Variants in SPAG1 observed in about 807,000 individuals in gnomAD.
SPAG1 encodes the protein sperm-associated antigen 1.
Under a neutral mutation model 100.5 loss-of-function variants are expected in SPAG1, and 69 were observed. The observed-to-expected ratio is 0.69, with a 90% CI of 0.57 to 0.84. The LOEUF (loss-of-function observed/expected upper bound fraction) is 0.84, where lower values mean the gene tolerates loss of function less well. SPAG1 is among the 40% of genes least tolerant of loss of function. The pLI is 0.00. For synonymous variants in SPAG1, 336 were observed against 411.6 expected (o/e 0.82, Z 2.22); for missense variants, 955 against 1,133.1 (o/e 0.84, Z 2.26).
intron 15 of SPAG1, 196 bp from the exon 16 acceptor site, chr8:100,233,212 CCTT>C (rs1308316503): frequency 5.3e-5 from 28 of 527,608 alleles, no homozygotes; most frequent in African/African-American, 1.9e-4. Flanking sequence ...ATTGCATCCT[CCTT>C]GAGGGCTGTG....
intron 10 of SPAG1, among the ~76,000 whole-genome samples, chr8:100,203,813 T>A (rs1337873773): frequency 1.3e-5 from 2 of 152,196 alleles, no homozygotes; most frequent in African/African-American, 4.8e-5. Context: ...TCTTATCTCC[T>A]GTAGAGAAAG....
At chr8:100,236,192 A>G (rs2132435277) in intron 16 of SPAG1, among the ~76,000 whole-genome samples, 1 of 152,340 alleles carries the variant, frequency 6.6e-6, no homozygotes. Flanking sequence ...TATGATGCAG[A>G]AAAATAATCC....
intron 16 of SPAG1, 75 bp downstream of exon 16, chr8:100,233,612 CA>C (rs1268216302): frequency 3.5e-6 from 5 of 1,418,888 alleles, no homozygotes; most frequent in Middle Eastern, 1.8e-4. Context: ...CATAAATCTC[CA>C]GATCTTGGGA....
intron 3 of SPAG1, among the ~76,000 whole-genome samples, chr8:100,172,672 G>GTGTGTA (rs1554649794): frequency 2.0e-5 from 3 of 151,356 alleles, no homozygotes; most frequent in Non-Finnish European, 2.9e-5. Context: ...GTGTGTATGT[G>GTGTGTA]TGTGTGTATG....
Position 100,239,955 on chromosome 8 carries a change from C to T in SPAG1, c.2281-448C>T, listed in dbSNP as rs1266100746. On this transcript the variant is annotated intron_variant, in intron 17 of 18. Transcript: ENST00000388798. The surrounding 1 kb of genome is among the most constrained non-coding windows in gnomAD (Gnocchi z 5.0). ...GTGAATCCCTGTACATTCATGAATG[C>T]TAATACCCCATTTATAGTCTCACAT... is the stretch of plus-strand genomic sequence containing the variant. 3.3e-5 allele frequency among the ~76,000 whole-genome samples: 5 copies of T among 152,130 alleles called. No individual in the cohort carries two copies. The highest frequency in any genetic ancestry group is 7.2e-5 in the African/African-American group (3 of 41,418).
intron 3 of SPAG1, among the ~76,000 whole-genome samples, chr8:100,175,984 A>G (rs1291504779): frequency 6.6e-6 from 1 of 152,100 alleles, no homozygotes; most frequent in Non-Finnish European, 1.5e-5. Flanking sequence ...GAGTTTCCCT[A>G]TCCCTTCCTG....
At chr8:100,172,632 ATATGTGTG>A (rs1563772781) in intron 3 of SPAG1, among the ~76,000 whole-genome samples, 1 of 93,728 alleles carries the variant, frequency 1.1e-5, no homozygotes. Context: ...AAAAAGAAAT[ATATGTGTG>A]TGTGTGTGTG....
chr8:100,211,356 A>C (rs569696206), intron 10 of SPAG1, among the ~76,000 whole-genome samples: 19 of 152,190 alleles, frequency 1.2e-4, no homozygotes, highest in Non-Finnish European at 2.8e-4. Flanking sequence ...CTTTGCATTC[A>C]GTTCAAATCT....
intron 3 of SPAG1, among the ~76,000 whole-genome samples, chr8:100,173,035 T>TC (rs1302833854): frequency 1.9e-5 from 1 of 52,422 alleles, no homozygotes; most frequent in Non-Finnish European, 3.6e-5. Context: ...GACCACTTCT[T>TC]TTTTTTTTTT....
At chr8:100,168,845 G>A (rs532143578) in intron 3 of SPAG1, among the ~76,000 whole-genome samples, 5 of 151,774 alleles carry the variant, frequency 3.3e-5, no homozygotes, top group South Asian at 2.1e-4. Flanking sequence ...GCGCCACCAC[G>A]CCCAGCTAAT....
chr8:100,239,788 C>A lies in SPAG1; in HGVS notation c.2280+384C>A, dbSNP rs764898240. Among the ~76,000 whole-genome samples, 5 of 152,212 alleles carry A rather than the reference C, an allele frequency of 3.3e-5. No homozygotes were observed. Among genetic ancestry groups the A allele is most frequent in the African/African-American group, 1.2e-4 (5 of 41,472 alleles). On this transcript the variant is annotated intron_variant, in intron 17 of 18. Coordinates refer to ENST00000388798, the MANE Select transcript of SPAG1 (RefSeq NM_003114.5). This position sits in a 1 kb window ranked among gnomAD's most constrained non-coding sequence, Gnocchi z 5.0. Reference sequence around the variant, plus strand: ...AAAGCCTCACCTCATAGAGATTATCCAGATTGATTCAGACCTTTTTAGCAC... The same window carrying A: ...AAAGCCTCACCTCATAGAGATTATCAAGATTGATTCAGACCTTTTTAGCAC...
intron 3 of SPAG1, among the ~76,000 whole-genome samples, chr8:100,168,980 C>T (rs1586393829): frequency 6.6e-6 from 1 of 151,958 alleles, no homozygotes; most frequent in Non-Finnish European, 1.5e-5. Flanking sequence ...AGCCACCACG[C>T]CCGGCCTCTT....
chr8:100,194,945 T>A (rs2132292471), intron 10 of SPAG1, among the ~76,000 whole-genome samples: 1 of 152,042 alleles, frequency 6.6e-6, no homozygotes, highest in South Asian at 2.1e-4. Flanking sequence ...GGCGGGTGCA[T>A]CATGAGGTCA....
chr8:100,222,753 T>C (rs1432541022), intron 13 of SPAG1, among the ~76,000 whole-genome samples: 1 of 152,222 alleles, frequency 6.6e-6, no homozygotes, highest in Non-Finnish European at 1.5e-5. Context: ...TTTTGCATTA[T>C]AGTTTTTCTA....
At chr8:100,164,782 G>A (rs1815475841) in intron 2 of SPAG1, among the ~76,000 whole-genome samples, 1 of 152,096 alleles carries the variant, frequency 6.6e-6, no homozygotes. Flanking sequence ...TTCATCATAA[G>A]CTATATATTT....
At chr8:100,186,782 C>G (rs898816200) in intron 7 of SPAG1, among the ~76,000 whole-genome samples, 3 of 152,142 alleles carry the variant, frequency 2.0e-5, no homozygotes, top group African/African-American at 7.2e-5. Context: ...AGGCCTCTCT[C>G]CTTGGCTTGT....
chr8:100,163,879 G>A (rs1217186637), intron 2 of SPAG1, among the ~76,000 whole-genome samples: 1 of 152,176 alleles, frequency 6.6e-6, no homozygotes. Context: ...CAGTTGGAAA[G>A]CTACAGTTAT....
intron 13 of SPAG1, among the ~76,000 whole-genome samples, chr8:100,224,126 A>G (rs535936551): frequency 6.6e-6 from 1 of 152,300 alleles, no homozygotes; most frequent in East Asian, 1.9e-4. Flanking sequence ...TGTATGTTTA[A>G]AATAATGAAA....
At chr8:100,164,121 T>C (rs1376397780) in intron 2 of SPAG1, among the ~76,000 whole-genome samples, 14 of 152,176 alleles carry the variant, frequency 9.2e-5, no homozygotes, top group Non-Finnish European at 1.5e-4. Flanking sequence ...CCTTGAGTGG[T>C]TGGATTTCAG....
Sources: allele counts gnomAD v4.1 joint callset (sites outside exome capture counted in the v4.1 genomes callset), GRCh38; gene constraint gnomAD v4.1.1; non-coding constraint Gnocchi (gnomAD v3.1); transcripts MANE v1.5; gene names NCBI Gene and HGNC (gene_info 2026-07-23, HGNC 2026-07-21).